Variants in SLC38A11 observed in about 807,000 individuals in gnomAD.
The protein encoded by SLC38A11 is solute carrier family 38 member 11.
SLC38A11 carries 51 observed loss-of-function variants against 49.4 expected under a neutral mutation model. That is an observed-to-expected ratio of 1.03 (90% CI 0.83 to 1.30). The LOEUF (loss-of-function observed/expected upper bound fraction) is 1.30. SLC38A11 is among the 50% of genes most tolerant of loss of function. The pLI is 0.00. For synonymous variants in SLC38A11, 203 were observed against 192.9 expected, an observed-to-expected ratio of 1.05 and a Z score of -0.43; for missense variants, 574 against 556.2, an observed-to-expected ratio of 1.03 and a Z score of -0.32.
rs200284770 is a variant in SLC38A11, at chr2:164,947,117, C to CTTTTTTTTTTTTTTTTTTT, written c.230-1409_230-1391dup. 2.5e-4 allele frequency among the ~76,000 whole-genome samples: 18 copies of CTTTTTTTTTTTTTTTTTTT among 72,910 alleles called. 3 individuals carry two copies. The highest frequency in any genetic ancestry group is 1.3e-3 in the African/African-American group (17 of 12,990). The allele number at this position is 72,910 out of a possible 152,430, so 47.8% of individuals were successfully genotyped here. On this transcript the variant is annotated intron_variant, in intron 3 of 11. Coordinates refer to ENST00000685975, the MANE Select transcript of SLC38A11 (RefSeq NM_001351537.2). Reference sequence around the variant, plus strand: ...CCTGGATTCTTGGACTTTTTTATCTCTTTTTTTTTTTTTTTTTTTTTTTTT... The same window carrying CTTTTTTTTTTTTTTTTTTT: ...CCTGGATTCTTGGACTTTTTTATCTCTTTTTTTTTTTTTTTTTTTTTTTTTTTTTTTTTTTTTTTTTTTT...
chr2:164,924,485 T>C (rs1488364173), intron 7 of SLC38A11, among the ~76,000 whole-genome samples: 1 of 152,166 alleles, frequency 6.6e-6, no homozygotes, highest in Non-Finnish European at 1.5e-5. Flanking sequence ...AACCTGCACC[T>C]GTATCCCCTG....
chr2:164,936,433 G>A (rs1687378585), intron 7 of SLC38A11, among the ~76,000 whole-genome samples: 1 of 152,002 alleles, frequency 6.6e-6, no homozygotes, highest in Admixed American at 6.6e-5. Flanking sequence ...CTATTCATTA[G>A]GTTTCCTTTT....
rs774178211 is a variant in SLC38A11 at position 164,911,690 on chromosome 2, A to T, written c.909T>A (p.Cys303Ter). The change falls in exon 10 of 12, where the codon TGT becomes TGA. Residue 303 changes from cysteine to a stop codon, truncating the protein, a stop_gained. Transcript: ENST00000685975. LOFTEE classifies it high-confidence loss of function. Reference protein sequence around the residue: ...NDDLVTFGRFCYGVTVILTYP... With the variant: ...NDDLVTFGRF ...ATGTCAAAATGACAGTGACACCATA[A>T]CAAAATCTTCCAAATGTTACCAGGT... The T allele has an allele frequency of 6.2e-7, 1 of 1,608,102 alleles. No individual in the cohort carries two copies. The highest frequency in any genetic ancestry group is 2.2e-5 in the East Asian group (1 of 44,624).
chr2:164,899,394 C>T (rs1429357862), intron 11 of SLC38A11, among the ~76,000 whole-genome samples: 2 of 152,032 alleles, frequency 1.3e-5, no homozygotes, highest in African/African-American at 2.4e-5. Flanking sequence ...TAAACCCAAC[C>T]TAAGGAGGAA....
In SLC38A11 at chr2:164,955,234, C is replaced by T; in HGVS notation, c.14G>A (p.Arg5Lys). The T allele has an allele frequency of 6.4e-7, 1 of 1,550,566 alleles. No homozygotes were observed. The highest frequency in any genetic ancestry group is 8.7e-7 in the Non-Finnish European group (1 of 1,146,994). MGYQRQEPVIPPQRD... is the reference protein window; with the variant it reads MGYQKQEPVIPPQRD... ...CTGCGGCGGGATGACAGGCTCCTGC[C>T]TCTGGTAGCCCATGGCTGAGCGGTG... Residue 5 changes from arginine (R) to lysine (K), a missense_variant, in exon 1 of 12, where the codon AGG (arginine) becomes AAG (lysine). Coordinates refer to ENST00000685975, the MANE Select transcript of SLC38A11 (RefSeq NM_001351537.2).
chr2:164,916,403 A>G (rs1042742653), intron 7 of SLC38A11, among the ~76,000 whole-genome samples: 1 of 152,116 alleles, frequency 6.6e-6, no homozygotes, highest in African/African-American at 2.4e-5. Flanking sequence ...AAATTTAGTC[A>G]GCACTAAAAT....
In SLC38A11 at chr2:164,939,450, C is replaced by G; in HGVS notation, c.537G>C (p.Lys179Asn). 2 of 1,595,452 alleles carry G rather than the reference C, an allele frequency of 1.3e-6. No individual in the cohort carries two copies. Among genetic ancestry groups the G allele is most frequent in the Non-Finnish European group, 1.7e-6 (2 of 1,167,936 alleles). The change falls in exon 6 of 12, where the codon AAG (lysine) becomes AAC (asparagine). Residue 179 changes from lysine to asparagine, a missense_variant and splice_region_variant. Coordinates refer to ENST00000685975, the MANE Select transcript of SLC38A11 (RefSeq NM_001351537.2). ...SLYRNIAKLG[K>N]VSLISTGLTT... ...TGCCCATTTAAAATGTAAAAATTAC[C>G]TTTCCAAGCTTTGCTATATTTCGGT...
intron 7 of SLC38A11, among the ~76,000 whole-genome samples, chr2:164,920,102 C>T (rs1432557199): frequency 6.6e-6 from 1 of 151,922 alleles, no homozygotes; most frequent in African/African-American, 2.4e-5. Context: ...GGTGAAACCC[C>T]GTCTGTACTA....
intron 3 of SLC38A11, among the ~76,000 whole-genome samples, chr2:164,949,518 A>T (rs1377540418): frequency 6.6e-6 from 1 of 152,232 alleles, no homozygotes; most frequent in Non-Finnish European, 1.5e-5. Flanking sequence ...TCGGCCTCTC[A>T]AAGTGCTGGG....
chr2:164,927,905 T>A (rs1393002474), intron 7 of SLC38A11, among the ~76,000 whole-genome samples: 2 of 152,156 alleles, frequency 1.3e-5, no homozygotes, highest in Non-Finnish European at 2.9e-5. Context: ...CATCTTATAG[T>A]CCCAGTACCT....
chr2:164,946,760 T>A (rs1399900594), intron 3 of SLC38A11, among the ~76,000 whole-genome samples: 1 of 152,126 alleles, frequency 6.6e-6, no homozygotes, highest in Non-Finnish European at 1.5e-5. Context: ...GTTCTCTTTT[T>A]TCTCTTTCTC....
At chr2:164,949,454 C>T (rs551991380) in intron 3 of SLC38A11, among the ~76,000 whole-genome samples, 1 of 152,240 alleles carries the variant, frequency 6.6e-6, no homozygotes, top group African/African-American at 2.4e-5. Context: ...GACAGGGTTT[C>T]ACCCTATTGG....
chr2:164,921,677 A>G (rs962568654), intron 7 of SLC38A11, among the ~76,000 whole-genome samples: 5 of 152,194 alleles, frequency 3.3e-5, no homozygotes, highest in Non-Finnish European at 2.9e-5. Context: ...ATAAATGCAC[A>G]TAAAAGTAAC....
chr2:164,929,828 AT>A (rs1475756482), intron 7 of SLC38A11, among the ~76,000 whole-genome samples: 1 of 152,134 alleles, frequency 6.6e-6, no homozygotes, highest in Non-Finnish European at 1.5e-5. Flanking sequence ...AAGGATCTCA[AT>A]TTAACAACCA....
At chr2:164,926,857 C>T (rs975337392) in intron 7 of SLC38A11, among the ~76,000 whole-genome samples, 1 of 113,236 alleles carries the variant, frequency 8.8e-6, no homozygotes, top group African/African-American at 3.6e-5. Flanking sequence ...ACACCAGGGC[C>T]TGTTGTGGGG....
At chr2:164,952,062 CG>C (rs549684831) in intron 3 of SLC38A11, among the ~76,000 whole-genome samples, 129 of 152,028 alleles carry the variant, frequency 8.5e-4, no homozygotes, top group African/African-American at 3.0e-3. Context: ...GATGACAAGG[CG>C]GGGACGAGGA....
intron 3 of SLC38A11, among the ~76,000 whole-genome samples, chr2:164,947,347 G>A (rs1247948236): frequency 2.0e-5 from 3 of 151,860 alleles, no homozygotes; most frequent in Non-Finnish European, 4.4e-5. Flanking sequence ...GGCCAAGATG[G>A]TCTCGAACTC....
chr2:164,902,446 A>G (rs1186541815), intron 11 of SLC38A11, among the ~76,000 whole-genome samples: 4 of 152,206 alleles, frequency 2.6e-5, no homozygotes, highest in Admixed American at 2.6e-4. Flanking sequence ...TTACAACTAA[A>G]TGCAAGCTTT....
intron 10 of SLC38A11, among the ~76,000 whole-genome samples, chr2:164,910,524 C>T (rs923384526): frequency 6.6e-6 from 1 of 152,026 alleles, no homozygotes; most frequent in Non-Finnish European, 1.5e-5. Flanking sequence ...GTGAGTTATA[C>T]ATGTGTGAGG....
Sources: gnomAD v4.1 joint callset for allele counts (sites outside exome capture counted in the v4.1 genomes callset) on GRCh38, gnomAD v4.1.1 for gene constraint, MANE v1.5 for transcripts, NCBI Gene and HGNC (gene_info 2026-07-23, HGNC 2026-07-21) for gene names.